The following ZFR2 variants were observed in gnomAD, a reference collection of about 807,000 sequenced individuals.
ZFR2 encodes zinc finger RNA binding protein 2, also known as zinc finger RNA-binding protein 2.
In ZFR2, 104 loss-of-function variants were observed where a neutral mutation model predicts 105.7. The observed-to-expected ratio is 0.98, with a 90% CI of 0.84 to 1.16. ZFR2 has a LOEUF of 1.16. Among genes scored for constraint, ZFR2 ranks in the 50% most tolerant of loss-of-function variants. The pLI, the probability that ZFR2 is intolerant of heterozygous loss-of-function variation, is 0.00. For synonymous variants in ZFR2, 634 were observed against 597.7 expected, an observed-to-expected ratio of 1.06 and a Z score of -0.89; for missense variants, 1,425 against 1,355.5, an observed-to-expected ratio of 1.05 and a Z score of -0.80.
intron 1 of ZFR2, 22 bp downstream of exon 1, chr19:3,868,943 G>GCTGGCGCGGCGGGGC: frequency 7.7e-7 from 1 of 1,293,410 alleles, no homozygotes; most frequent in Non-Finnish European, 9.9e-7. Context: ...ACTGGCGGGG[G>GCTGGCGCGGCGGGGC]CTGGCGCGGC....
chr19:3,833,028 C>T (rs1408511111), intron 3 of ZFR2, among the ~76,000 whole-genome samples: 1 of 151,458 alleles, frequency 6.6e-6, no homozygotes, highest in African/African-American at 2.4e-5. Flanking sequence ...AGGTGGATCA[C>T]CTGATGTCAG....
At position 3,834,757 on chromosome 19, in the gene ZFR2, A is replaced by G. The variant is rs936970018; in HGVS notation, c.264+16T>C. On this transcript the variant is annotated intron_variant, in intron 2 of 18. Transcript: ENST00000262961. The surrounding 1 kb of genome is among the most constrained non-coding windows in gnomAD (Gnocchi z 5.3). ...CACGTTTCCCGGCAACGCTGGTCAA[A>G]GAAAGGACTGGATACCTGGTAGGTA... 5 of 1,610,606 alleles carry G rather than the reference A, an allele frequency of 3.1e-6. No individual in the cohort carries two copies. The highest frequency in any genetic ancestry group is 1.7e-6 in the Non-Finnish European group (2 of 1,179,592).
chr19:3,819,070 G>A lies in ZFR2; in HGVS notation c.1906C>T (p.Arg636Ter), dbSNP rs565512014. 1.6e-5 allele frequency: 26 copies of A among 1,612,308 alleles called. No homozygotes were observed. In the Admixed American group the frequency reaches 2.7e-4, roughly 17 times the overall value. ...DTLAEEDRGR[R>*]EEEGDKRSSV... ...CTGCGCTTGTCACCCTCTTCCTCTC[G>A]GCGGCCCCGGTCCTCCTCGGCCAGT... Residue 636 changes from arginine to a stop codon, truncating the protein, a stop_gained, in exon 12 of 19, where the codon CGA becomes TGA. Coordinates refer to ENST00000262961, the MANE Select transcript of ZFR2 (RefSeq NM_015174.2). LOFTEE classifies it high-confidence loss of function.
At chr19:3,852,497 G>A (rs797009121) in intron 1 of ZFR2, 2 of 718,500 alleles carry the variant, frequency 2.8e-6, no homozygotes, top group Non-Finnish European at 5.2e-6. Flanking sequence ...TGCAGGCAAG[G>A]CCTCTTAAGC....
rs1227602440 is a variant in ZFR2, at chr19:3,838,390, T to C, written c.54-3407A>G. 6.6e-6 allele frequency among the ~76,000 whole-genome samples: 1 copy of C among 152,140 alleles called. No homozygotes were observed. The highest frequency in any genetic ancestry group is 1.5e-5 in the Non-Finnish European group (1 of 68,016). ...ACTACAGAGTGAGTGCTATCCAGGC[T>C]GCACTGAGCACCGACCGATGAGCCA... On this transcript the variant is annotated intron_variant, in intron 1 of 18. Coordinates refer to ENST00000262961, the MANE Select transcript of ZFR2 (RefSeq NM_015174.2). This position sits in a 1 kb window ranked among gnomAD's most constrained non-coding sequence, Gnocchi z 4.9.
chr19:3,821,604 CTT>C (rs56275505), intron 9 of ZFR2, 125 bp from the exon 10 acceptor site: 1,646 of 246,594 alleles, frequency 6.7e-3, no homozygotes, highest in South Asian at 0.016. Flanking sequence ...CTCCCAAAGC[CTT>C]TTTTTTTTTT....
intron 17 of ZFR2, among the ~76,000 whole-genome samples, chr19:3,807,839 ATGTGTGTGCCCG>A (rs1568415477): frequency 7.6e-6 from 1 of 131,778 alleles, no homozygotes; most frequent in Admixed American, 7.6e-5. Flanking sequence ...CACTCATTCC[ATGTGTGTGCCCG>A]TGTGTGTGCA....
Position 3,848,534 on chromosome 19 carries a change from G to A in ZFR2, c.54-13551C>T, listed in dbSNP as rs139959190. Among the ~76,000 whole-genome samples, 834 of 150,856 alleles carry A rather than the reference G, an allele frequency of 5.5e-3. 9 individuals are homozygous for A. The highest frequency in any genetic ancestry group is 0.029 in the East Asian group (149 of 5,084). On this transcript the variant is annotated intron_variant, in intron 1 of 18. Coordinates refer to ENST00000262961, the MANE Select transcript of ZFR2 (RefSeq NM_015174.2). ...AAGACCAGCCTGGGCAACATAGCAA[G>A]ATCCCATCTCTACAAAACAGAAAAA...
chr19:3,850,951 GA>G, intron 1 of ZFR2, among the ~76,000 whole-genome samples: 1 of 147,812 alleles, frequency 6.8e-6, no homozygotes, highest in Non-Finnish European at 1.5e-5. Context: ...CATGGACAGA[GA>G]AAAAGCCACA....
rs187140715 is a variant in ZFR2, at chr19:3,857,502, C to T, written c.53+11463G>A. Among the ~76,000 whole-genome samples the T allele has an allele frequency of 2.8e-4, 41 of 144,162 alleles. No homozygotes were observed. In the East Asian group the frequency reaches 7.0e-3, roughly 24 times the overall value. The allele number at this position is 144,162 out of a possible 152,430, so 94.6% of individuals were successfully genotyped here. On this transcript the variant is annotated intron_variant, in intron 1 of 18. Transcript: ENST00000262961. ...GGCGGATCACTTGAGGCCAGCAGTT[C>T]GAGACCAGCCTGGCCAACATGGTGT... is the stretch of plus-strand genomic sequence containing the variant.
chr19:3,819,147 A>G lies in ZFR2; in HGVS notation c.1829T>C (p.Val610Ala). ...IYPTEQELLAVQRAVSHAERA... is the reference protein window; with the variant it reads ...IYPTEQELLAAQRAVSHAERA... Reference sequence around the variant, plus strand: ...CTCTGCGTGGGACACGGCCCTCTGCACGGCCAGGAGCTCCTGCTCCGTGGG... The same window carrying G: ...CTCTGCGTGGGACACGGCCCTCTGCGCGGCCAGGAGCTCCTGCTCCGTGGG... Residue 610 changes from valine (V) to alanine (A), a missense_variant, in exon 12 of 19, where the codon GTG (valine) becomes GCG (alanine). Transcript: ENST00000262961. 1 of 1,608,628 alleles carries G rather than the reference A, an allele frequency of 6.2e-7. No individual in the cohort carries two copies. Among genetic ancestry groups the G allele is most frequent in the Non-Finnish European group, 8.5e-7 (1 of 1,179,130 alleles).
At chr19:3,832,578 G>A (rs1247876781) in intron 3 of ZFR2, among the ~76,000 whole-genome samples, 3 of 151,562 alleles carry the variant, frequency 2.0e-5, no homozygotes, top group Non-Finnish European at 2.9e-5. Context: ...CCTCTGCCTC[G>A]CAAAGTGCTG....
rs371896068 is a variant in ZFR2, at chr19:3,836,234, AT to A, written c.54-1252del. 3.8e-4 allele frequency among the ~76,000 whole-genome samples: 58 copies of A among 152,154 alleles called. No individual in the cohort carries two copies. The East Asian group carries it at 9.7e-3, about 25-fold the overall frequency. ...CCCCATACATGTTCAGTACAGATGC[AT>A]TTTTTTCCCAAATATTTTCCACCCT... On this transcript the variant is annotated intron_variant, in intron 1 of 18. Transcript: ENST00000262961.
At chr19:3,828,970 T>TC (rs1470420180) in intron 5 of ZFR2, among the ~76,000 whole-genome samples, 1 of 151,690 alleles carries the variant, frequency 6.6e-6, no homozygotes, top group Non-Finnish European at 1.5e-5. Context: ...ATCTTTTTTT[T>TC]TTTTTTTTTA....
At chr19:3,820,357 A>C (rs2037876774) in intron 10 of ZFR2, 67 bp from the exon 11 acceptor site, 1 of 1,418,040 alleles carries the variant, frequency 7.1e-7, no homozygotes, top group East Asian at 2.5e-5. Context: ...GGCAAGTCAG[A>C]AACACTGGGG....
At chr19:3,810,597 G>A (rs2037752040) in intron 16 of ZFR2, among the ~76,000 whole-genome samples, 153 bp downstream of exon 16, 1 of 152,254 alleles carries the variant, frequency 6.6e-6, no homozygotes, top group Non-Finnish European at 1.5e-5. Context: ...CCCCCGCAAG[G>A]GGACCTCAGG....
chr19:3,866,912 G>C (rs1218456498), intron 1 of ZFR2, among the ~76,000 whole-genome samples: 1 of 152,192 alleles, frequency 6.6e-6, no homozygotes. Context: ...TCCATTACTA[G>C]TCAAATACTC....
At position 3,805,976 on chromosome 19, in the gene ZFR2, GC is replaced by G. The variant is rs766928958; in HGVS notation, c.2792del (p.Gly931AlafsTer47). Reference protein sequence around the residue: ...GEEGAGEKKRGRRGGEGLV With the variant: ...GEEGAGEKKRXRRGGEGLV Reference sequence around the variant, plus strand: ...ACACGAGCCCCTCTCCGCCCCGCCGGCCCCGCTTCTTCTCCCCTGCGCCCTC... The same window carrying G: ...ACACGAGCCCCTCTCCGCCCCGCCGGCCCGCTTCTTCTCCCCTGCGCCCTC... On this transcript the variant is annotated frameshift_variant, in exon 19 of 19. Transcript: ENST00000262961. LOFTEE classifies it low-confidence loss of function (END_TRUNC). The G allele has an allele frequency of 9.7e-6, 15 of 1,539,692 alleles. No individual in the cohort carries two copies. Among genetic ancestry groups the G allele is most frequent in the African/African-American group, 1.4e-5 (1 of 72,504 alleles).
rs549396470 is a variant in ZFR2, at chr19:3,860,376, G to A, written c.53+8589C>T. Among the ~76,000 whole-genome samples the A allele has an allele frequency of 5.3e-5, 8 of 152,040 alleles. No homozygotes were observed. The South Asian group carries it at 6.2e-4, about 12-fold the overall frequency. ...ATCACCCCAGGCTCACTTTCAAACC[G>A]TCTTCTTTTGAATGGAGTCAAGAGG... On this transcript the variant is annotated intron_variant, in intron 1 of 18. Coordinates refer to ENST00000262961, the MANE Select transcript of ZFR2 (RefSeq NM_015174.2).
Sources: gnomAD v4.1 joint callset for allele counts (sites outside exome capture counted in the v4.1 genomes callset) on GRCh38, gnomAD v4.1.1 for gene constraint, Gnocchi (gnomAD v3.1) non-coding constraint, MANE v1.5 for transcripts, NCBI Gene and HGNC (gene_info 2026-07-23, HGNC 2026-07-21) for gene names.